GCNT1: variants seen among roughly 807,000 people sequenced by gnomAD.
GCNT1 encodes beta-1,3-galactosyl-O-glycosyl-glycoprotein beta-1,6-N-acetylglucosaminyltransferase.
GCNT1 carries 16 observed loss-of-function variants against 26.2 expected under a neutral mutation model. That is an observed-to-expected ratio of 0.61 (90% CI 0.41 to 0.93). The LOEUF is 0.93. GCNT1 is among the 40% of genes least tolerant of loss of function. The probability of loss-of-function intolerance (pLI) is 0.00; values close to 1 mark genes in which losing one functional copy is unlikely to be tolerated. For missense variants in GCNT1, 477 were observed against 526.7 expected, an observed-to-expected ratio of 0.91 and a Z score of 0.92; for synonymous variants, 183 against 190.8, an observed-to-expected ratio of 0.96 and a Z score of 0.34.
At chr9:76,399,137 C>G in the GCNT1 span, 1 of 1,509,508 alleles carries the variant, frequency 6.6e-7, no homozygotes, top group Non-Finnish European at 9.1e-7. Context: ...TACCATTGCT[C>G]TGTGTAACAC....
chr9:76,427,476 G>T (rs1477180874), intron 1 of GCNT1, among the ~76,000 whole-genome samples: 4 of 151,996 alleles, frequency 2.6e-5, no homozygotes, highest in Non-Finnish European at 4.4e-5. Flanking sequence ...CATCATGCTT[G>T]GCCAGGGGTA....
chr9:76,468,051 C>T (rs1824045552), intron 2 of GCNT1, among the ~76,000 whole-genome samples: 1 of 151,984 alleles, frequency 6.6e-6, no homozygotes. Flanking sequence ...GGATTACAGG[C>T]ACATGCCACC....
At chr9:76,465,895 A>T (rs921876539) in intron 2 of GCNT1, among the ~76,000 whole-genome samples, 1 of 152,204 alleles carries the variant, frequency 6.6e-6, no homozygotes, top group Non-Finnish European at 1.5e-5. Flanking sequence ...TGGAACCATT[A>T]TGGTGATTGA....
chr9:76,501,347 T>C (rs975919827), intron 3 of GCNT1, among the ~76,000 whole-genome samples: 2 of 152,218 alleles, frequency 1.3e-5, no homozygotes, highest in Admixed American at 1.3e-4. Context: ...ATTTAATGTT[T>C]GTAAGCATTT....
At chr9:76,443,568 C>T (rs1212616943) in intron 1 of GCNT1, among the ~76,000 whole-genome samples, 2 of 152,214 alleles carry the variant, frequency 1.3e-5, no homozygotes, top group Non-Finnish European at 2.9e-5. Flanking sequence ...GTGTTCCTTG[C>T]CCTCATTCCG....
intron 2 of GCNT1, among the ~76,000 whole-genome samples, chr9:76,496,392 A>C (rs1824907049): frequency 6.6e-6 from 1 of 152,224 alleles, no homozygotes; most frequent in Admixed American, 6.5e-5. Context: ...CCTGCAGTGT[A>C]AATAGAGCTG....
the GCNT1 span, among the ~76,000 whole-genome samples, chr9:76,396,506 G>T: frequency 6.6e-6 from 1 of 151,852 alleles, no homozygotes; most frequent in Non-Finnish European, 1.5e-5. Flanking sequence ...AAAGAAGAAA[G>T]GGGAAAGAAA....
At chr9:76,430,684 T>C (rs1473506290) in intron 1 of GCNT1, among the ~76,000 whole-genome samples, 4 of 149,646 alleles carry the variant, frequency 2.7e-5, no homozygotes, top group African/African-American at 9.9e-5. Context: ...CTGCACCTGG[T>C]TAGTCCTCTT....
the GCNT1 span, chr9:76,394,372 G>A: frequency 2.0e-6 from 1 of 502,890 alleles, no homozygotes; most frequent in Admixed American, 4.1e-5. Context: ...AATACCGCCG[G>A]GCGCCTGAGG....
chr9:76,402,101 C>A, the GCNT1 span, among the ~76,000 whole-genome samples: 1 of 152,180 alleles, frequency 6.6e-6, no homozygotes, highest in Non-Finnish European at 1.5e-5. Context: ...AACTTTTGTC[C>A]TTCCGGGTAC....
rs540972400 is a variant in GCNT1 at position 76,489,430 on chromosome 9, A to C, written c.-289-11486A>C. ...AGCAGCAGCAAGATTTATTGTGAAG[A>C]GCAAAAGAACAAAGCTTCCACAGGC... On this transcript the variant is annotated intron_variant, in intron 2 of 3. Coordinates refer to ENST00000376730, the MANE Select transcript of GCNT1 (RefSeq NM_001490.5). Among the ~76,000 whole-genome samples the C allele has an allele frequency of 1.1e-4, 16 of 152,284 alleles. No homozygotes were observed. The East Asian group carries it at 2.9e-3, about 28-fold the overall frequency.
chr9:76,416,384 G>C (rs1823132846), upstream of GCNT1, among the ~76,000 whole-genome samples: 1 of 152,168 alleles, frequency 6.6e-6, no homozygotes, highest in South Asian at 2.1e-4. Flanking sequence ...GCCAGACAAG[G>C]ACCAGGATAC....
chr9:76,394,029 G>C, the GCNT1 span: 7 of 1,493,662 alleles, frequency 4.7e-6, no homozygotes, highest in Admixed American at 8.1e-5. Flanking sequence ...GTCCCCGGCT[G>C]CCGTCTCTCC....
intron 2 of GCNT1, among the ~76,000 whole-genome samples, chr9:76,465,154 A>AG (rs1487454157): frequency 7.6e-6 from 1 of 131,488 alleles, no homozygotes; most frequent in Non-Finnish European, 1.7e-5. Context: ...CTCTGATTTG[A>AG]GTTTTTTTTT....
chr9:76,483,785 G>T (rs1225141092), intron 2 of GCNT1, among the ~76,000 whole-genome samples: 1 of 151,994 alleles, frequency 6.6e-6, no homozygotes, highest in East Asian at 1.9e-4. Flanking sequence ...TCATTTCCTG[G>T]CTGTCTCTCA....
chr9:76,407,060 C>A, the GCNT1 span, among the ~76,000 whole-genome samples: 5,107 of 152,040 alleles, frequency 0.034, 102 homozygotes, highest in Non-Finnish European at 0.048. Context: ...AATAAAAAGT[C>A]ATTCCCATAC....
At chr9:76,457,787 T>C (rs141947654), upstream of GCNT1, among the ~76,000 whole-genome samples, 18 of 152,324 alleles carry the variant, frequency 1.2e-4, no homozygotes, top group South Asian at 6.2e-4. Context: ...TTAACAATTA[T>C]GCTTGAATTG....
At chr9:76,449,315 A>C (rs557842483) in intron 1 of GCNT1, among the ~76,000 whole-genome samples, 1,068 of 80,182 alleles carry the variant, frequency 0.013, 9 homozygotes, top group African/African-American at 0.039. Flanking sequence ...AAAACAACAA[A>C]AAAAAAAACA....
chr9:76,492,690 C>T (rs1262137478), intron 2 of GCNT1, among the ~76,000 whole-genome samples: 2 of 151,176 alleles, frequency 1.3e-5, no homozygotes, highest in Non-Finnish European at 2.9e-5. Context: ...GAGGGGGCAG[C>T]TTGTTTCTCG....
Sources: allele counts gnomAD v4.1 joint callset (sites outside exome capture counted in the v4.1 genomes callset), GRCh38; gene constraint gnomAD v4.1.1; transcripts MANE v1.5; gene names NCBI Gene and HGNC (gene_info 2026-07-23, HGNC 2026-07-21).